Variants in FLII observed in about 807,000 individuals in gnomAD.
FLII encodes the protein FLII actin remodeling protein, also known as protein flightless-1 homolog.
In FLII, 101 loss-of-function variants were observed where a neutral mutation model predicts 156.2. That is an observed-to-expected ratio of 0.65 (90% CI 0.55 to 0.76). The LOEUF (loss-of-function observed/expected upper bound fraction) is 0.76, where lower values mean the gene tolerates loss of function less well. FLII is among the 30% of genes least tolerant of loss of function. The pLI, the probability that FLII is intolerant of heterozygous loss-of-function variation, is 0.00. For synonymous variants in FLII, 767 were observed against 685.8 expected (o/e 1.12, Z -1.85); for missense variants, 1,675 against 1,682.8 (o/e 1.00, Z 0.08).
intron 14 of FLII, 42 bp from the exon 15 acceptor site, chr17:18,249,450 C>T (rs1327508830): frequency 6.6e-7 from 1 of 1,515,808 alleles, no homozygotes; most frequent in East Asian, 2.3e-5. Context: ...TGAGCTGCCC[C>T]CTCCCCCACC....
At position 18,246,310 on chromosome 17, in the gene FLII, G is replaced by A; in HGVS notation, c.3204C>T (p.Thr1068=). 6.2e-7 allele frequency: 1 copy of A among 1,613,858 alleles called. No individual in the cohort carries two copies. The highest frequency in any genetic ancestry group is 8.5e-7 in the Non-Finnish European group (1 of 1,180,026). ...TGCGTCCTCCCCCAGCCAGGCACCGGGTGCAGAGGGCGCTGCCGTTGGTGC... is the reference window on the plus strand; with the variant it reads ...TGCGTCCTCCCCCAGCCAGGCACCGAGTGCAGAGGGCGCTGCCGTTGGTGC... ...QIRTNGSALC[T]RCIQINTDSS... is the part of the protein sequence containing the mutation. Residue 1068 remains threonine (T), a splice_region_variant and synonymous_variant, in exon 24 of 30, where the codon ACC becomes ACT. Transcript: ENST00000327031.
chr17:18,254,673 G>A lies in FLII; in HGVS notation c.423C>T (p.Thr141=), dbSNP rs2048365520. ...GGTTGATGAAGAGCTGGTTGGGGAT[G>A]GTGTCGATGCTACGGGTGGGGAGCA... ...VLNLSHNSID[T]IPNQLFINLT... Residue 141 remains threonine, a synonymous_variant, in exon 6 of 30, where the codon ACC becomes ACT. Transcript: ENST00000327031. 11 of 1,613,928 alleles carry A rather than the reference G, an allele frequency of 6.8e-6. No homozygotes were observed. The highest frequency in any genetic ancestry group is 9.3e-6 in the Non-Finnish European group (11 of 1,179,900).
At chr17:18,251,226 C>T (rs368992814) in intron 13 of FLII, 39 bp downstream of exon 13, 34 of 1,594,082 alleles carry the variant, frequency 2.1e-5, no homozygotes, top group Non-Finnish European at 2.9e-5. Flanking sequence ...GAGGAAGGTA[C>T]TGGGCCACAT....
At chr17:18,249,103 C>G in intron 16 of FLII, 24 bp downstream of exon 16, 2 of 1,606,058 alleles carry the variant, frequency 1.2e-6, no homozygotes, top group Non-Finnish European at 1.7e-6. Flanking sequence ...TGAAGCACCC[C>G]CACCTCACAT....
At chr17:18,249,079 G>C (rs2048178563) in intron 16 of FLII, 48 bp downstream of exon 16, 3 of 1,550,312 alleles carry the variant, frequency 1.9e-6, no homozygotes, top group Non-Finnish European at 8.9e-7. Context: ...CACTGGTGGG[G>C]AGGAGGCTGA....
chr17:18,253,715 C>T lies in FLII; in HGVS notation c.684G>A (p.Val228=), dbSNP rs1162242726. The T allele has an allele frequency of 1.2e-6, 2 of 1,607,218 alleles. No individual in the cohort carries two copies. The highest frequency in any genetic ancestry group is 2.2e-5 in the South Asian group (2 of 90,600). Residue 228 remains valine (V), a synonymous_variant, in exon 8 of 30, where the codon GTG becomes GTA. Coordinates refer to ENST00000327031, the MANE Select transcript of FLII (RefSeq NM_002018.4). ...SLEGLSNLAD[V]DLSCNDLTRV... ...GTGTCAGGTCATTGCAGGACAGATC[C>T]ACGTCTGGGGTGCAGGGTGGGGTGC...
chr17:18,249,173 T>A lies in FLII; in HGVS notation c.1888A>T (p.Ile630Phe), dbSNP rs1264588508. Residue 630 changes from isoleucine (I) to phenylalanine (F), a missense_variant, in exon 16 of 30, where the codon ATC becomes TTC. By Grantham distance (21) the Ile-to-Phe change is conservative. Transcript: ENST00000327031. ...TTGAGGGGCACAGGCTCCAACTTGATGTTCTTTTTCCCATACACACGATAC... is the reference window on the plus strand; with the variant it reads ...TTGAGGGGCACAGGCTCCAACTTGAAGTTCTTTTTCCCATACACACGATAC... The part of the protein sequence containing the change: ...RMYRVYGKKN[I>F]KLEPVPLKGT... 6.2e-7 allele frequency: 1 copy of A among 1,614,188 alleles called. No individual in the cohort carries two copies. The highest frequency in any genetic ancestry group is 1.7e-5 in the Admixed American group (1 of 60,034).
At position 18,244,866 on chromosome 17, in the gene FLII, A is replaced by C. The variant is rs550132584; in HGVS notation, c.*272T>G. On this transcript the variant is annotated 3_prime_UTR_variant, in exon 30 of 30. Transcript: ENST00000327031. Reference sequence around the variant, plus strand: ...AATATTGAAAATAAAAGCATTTAATATCTCTTAAAGGGCATCCACATCTGC... The same window carrying C: ...AATATTGAAAATAAAAGCATTTAATCTCTCTTAAAGGGCATCCACATCTGC... 2.5e-6 allele frequency: 1 copy of C among 405,312 alleles called. No individual in the cohort carries two copies. The highest frequency in any genetic ancestry group is 4.3e-5 in the Admixed American group (1 of 23,380). The allele number at this position is 405,312 out of a possible 1,614,324, so 25.1% of individuals were successfully genotyped here.
At chr17:18,250,159 C>T (rs752163921) in intron 14 of FLII, among the ~76,000 whole-genome samples, 1 of 152,172 alleles carries the variant, frequency 6.6e-6, no homozygotes, top group Admixed American at 6.5e-5. Flanking sequence ...AACATACACA[C>T]GTCGGGGTGT....
chr17:18,247,780 G>T lies in FLII; in HGVS notation c.2364C>A (p.Leu788=). ...LDCWSDVFIW[L]GRKSPRLVRA... ...GCACCAGGCGCGGGGACTTGCGGCCGAGCCAGATGAACACGTCGGACCAAC... is the reference window on the plus strand; with the variant it reads ...GCACCAGGCGCGGGGACTTGCGGCCTAGCCAGATGAACACGTCGGACCAAC... Residue 788 remains leucine, a synonymous_variant, in exon 20 of 30, where the codon CTC becomes CTA. Coordinates refer to ENST00000327031, the MANE Select transcript of FLII (RefSeq NM_002018.4). 1 of 1,610,802 alleles carries T rather than the reference G, an allele frequency of 6.2e-7. No individual in the cohort carries two copies.
In FLII at chr17:18,246,476, A is replaced by C. The variant is rs1426854860; in HGVS notation, c.3052-14T>G. On this transcript the variant is annotated splice_polypyrimidine_tract_variant and intron_variant, in intron 23 of 29. Transcript: ENST00000327031. Reference sequence around the variant, plus strand: ...CATGCGTACCACCTGGGGATGTGGAAGTGTTAGGGGCAGCTCCCTGGACCC... The same window carrying C: ...CATGCGTACCACCTGGGGATGTGGACGTGTTAGGGGCAGCTCCCTGGACCC... The C allele has an allele frequency of 6.2e-7, 1 of 1,613,542 alleles. No individual in the cohort carries two copies. The highest frequency in any genetic ancestry group is 8.5e-7 in the Non-Finnish European group (1 of 1,179,988).
intron 14 of FLII, among the ~76,000 whole-genome samples, chr17:18,249,961 A>C (rs2048209071): frequency 6.6e-6 from 1 of 151,390 alleles, no homozygotes; most frequent in African/African-American, 2.4e-5. Context: ...ACTACTAAAA[A>C]AATACAAAAA....
Position 18,249,398 on chromosome 17 carries a change from T to C in FLII, c.1787A>G (p.Asn596Ser). 6.2e-7 allele frequency: 1 copy of C among 1,613,994 alleles called. No individual in the cohort carries two copies. The highest frequency in any genetic ancestry group is 8.5e-7 in the Non-Finnish European group (1 of 1,179,908). ...TCCACCCTCAATGTAGGAGATGTCGTTGTCAAACACCTGTGTGTGTGAGGG... is the reference window on the plus strand; with the variant it reads ...TCCACCCTCAATGTAGGAGATGTCGCTGTCAAACACCTGTGTGTGTGAGGG... ...ESEEFLQVFD[N>S]DISYIEGGTA... The change falls in exon 15 of 30, where the codon AAC becomes AGC. Residue 596 changes from asparagine (N) to serine (S), a missense_variant. Transcript: ENST00000327031.
chr17:18,247,542 C>A, intron 20 of FLII, 115 bp downstream of exon 20: 1 of 1,123,214 alleles, frequency 8.9e-7, no homozygotes, highest in Non-Finnish European at 1.2e-6. Context: ...GCAGAGTCAG[C>A]AAAGAGGAGG....
Position 18,251,248 on chromosome 17 carries a change from G to A in FLII, c.1596+17C>T. On this transcript the variant is annotated intron_variant, in intron 13 of 29. Transcript: ENST00000327031. The stretch of plus-strand genomic sequence containing the variant: ...GTACTGGGCCACATGGCCCCTAACA[G>A]CATGCCCAGCCCTCACCTTGAGCAC... 1 of 1,610,838 alleles carries A rather than the reference G, an allele frequency of 6.2e-7. No homozygotes were observed. The highest frequency in any genetic ancestry group is 8.5e-7 in the Non-Finnish European group (1 of 1,177,598).
chr17:18,249,431 C>T, intron 14 of FLII, 23 bp from the exon 15 acceptor site: 2 of 1,600,470 alleles, frequency 1.2e-6, no homozygotes, highest in Non-Finnish European at 1.7e-6. Context: ...GGGTGTGGTT[C>T]TTCATCACTG....
Position 18,246,195 on chromosome 17 carries a change from G to C in FLII, c.3234C>G (p.Ser1078Arg), listed in dbSNP as rs781321061. The change falls in exon 25 of 30, where the codon AGC becomes AGG. Residue 1078 changes from serine to arginine, a missense_variant. Transcript: ENST00000327031. The stretch of plus-strand genomic sequence containing the variant: ...TGAAGCAGAACTCGGAGTTGAGGAG[G>C]CTGGAGTCGGTGTTGATCTGGATGC... Reference protein sequence around the residue: ...TRCIQINTDSSLLNSEFCFIL... With the variant: ...TRCIQINTDSRLLNSEFCFIL... The C allele has an allele frequency of 3.1e-6, 5 of 1,614,060 alleles. No homozygotes were observed. Among genetic ancestry groups the C allele is most frequent in the Non-Finnish European group, 3.4e-6 (4 of 1,180,032 alleles).
In FLII at chr17:18,249,471, C is replaced by A; in HGVS notation, c.1777-63G>T. 2.3e-6 allele frequency: 3 copies of A among 1,296,260 alleles called. No individual in the cohort carries two copies. The South Asian group carries it at 3.6e-5, about 16-fold the overall frequency. The allele number at this position is 1,296,260 out of a possible 1,614,324, so 80.3% of individuals were successfully genotyped here. A position where few individuals can be genotyped will look rare whatever the true frequency, so the allele number is the denominator to read the frequency against. On this transcript the variant is annotated intron_variant, in intron 14 of 29. Coordinates refer to ENST00000327031, the MANE Select transcript of FLII (RefSeq NM_002018.4). ...GCCCCCTCCCCCACCAACCACTGCC[C>A]CTCAGGTGGGGGTACAGAGTTGCAT... is the stretch of plus-strand genomic sequence containing the variant.
chr17:18,258,463 C>G lies in FLII; in HGVS notation c.63+165G>C, dbSNP rs1382439110. 2.0e-6 allele frequency: 3 copies of G among 1,510,794 alleles called. No homozygotes were observed. The highest frequency in any genetic ancestry group is 2.0e-5 in the Admixed American group (1 of 48,866). 93.6% of individuals were successfully genotyped at this position (1,510,794 alleles called of 1,614,324 possible). ...TCCCCGTACAGGCACTGGGCGGAGGCCTCGGAGGTCCATTCCTGGCCAGGG... is the reference window on the plus strand; with the variant it reads ...TCCCCGTACAGGCACTGGGCGGAGGGCTCGGAGGTCCATTCCTGGCCAGGG... On this transcript the variant is annotated intron_variant, in intron 1 of 29. Transcript: ENST00000327031. The surrounding 1 kb of genome is among the most constrained non-coding windows in gnomAD (Gnocchi z 4.2).
Sources: gnomAD v4.1 joint callset for allele counts (sites outside exome capture counted in the v4.1 genomes callset) on GRCh38, gnomAD v4.1.1 for gene constraint, Gnocchi (gnomAD v3.1) non-coding constraint, MANE v1.5 for transcripts, NCBI Gene and HGNC (gene_info 2026-07-23, HGNC 2026-07-21) for gene names.